Variants in RPUSD1 observed in about 807,000 individuals in gnomAD.
RPUSD1 encodes the protein RNA pseudouridine synthase domain containing 1, also known as pseudouridylate synthase RPUSD1.
RPUSD1 carries 28 observed loss-of-function variants against 22.4 expected under a neutral mutation model. The ratio of observed to expected loss-of-function variants is 1.25; its 90% CI spans 0.93 to 1.72. The LOEUF is 1.72. Ranked by LOEUF, RPUSD1 falls within the 40% of genes most tolerant of loss-of-function variation. The probability of loss-of-function intolerance (pLI) is 0.00; values close to 1 mark genes in which losing one functional copy is unlikely to be tolerated. For synonymous variants in RPUSD1, 298 were observed against 201.0 expected (o/e 1.48, Z -4.08); for missense variants, 596 against 442.2 (o/e 1.35, Z -3.12).
chr16:785,722 C>T lies in RPUSD1; in HGVS notation c.*228G>A, dbSNP rs1029650165. On this transcript the variant is annotated 3_prime_UTR_variant, in exon 6 of 6. Coordinates refer to ENST00000007264, the MANE Select transcript of RPUSD1 (RefSeq NM_058192.3). ...GTGGGCAGGAAGGCCCTCGGGATCC[C>T]GCATCAGTCCCACGGCCGCGGTGCG... 5.3e-5 allele frequency: 22 copies of T among 411,496 alleles called. No individual in the cohort carries two copies. The highest frequency in any genetic ancestry group is 1.1e-4 in the East Asian group (3 of 27,924). 25.5% of individuals were successfully genotyped at this position (411,496 alleles called of 1,614,324 possible). A position where few individuals can be genotyped will look rare whatever the true frequency, so the allele number is the denominator to read the frequency against.
rs1411644788 is a variant in RPUSD1, at chr16:786,350, C to T, written c.539G>A (p.Cys180Tyr). 1 of 1,611,252 alleles carries T rather than the reference C, an allele frequency of 6.2e-7. No individual in the cohort carries two copies. The highest frequency in any genetic ancestry group is 1.1e-5 in the South Asian group (1 of 91,032). Reference sequence around the variant, plus strand: ...CACCACGGGGTGGCCCAGGGCACTGCAGTGCACGCGCAGCTGGTGTGTCCG... The same window carrying T: ...CACCACGGGGTGGCCCAGGGCACTGTAGTGCACGCGCAGCTGGTGTGTCCG... The part of the protein sequence containing the change: ...TGRTHQLRVH[C>Y]SALGHPVVGD... Residue 180 changes from cysteine (C) to tyrosine (Y), a missense_variant, in exon 6 of 6, where the codon TGC (cysteine) becomes TAC (tyrosine). Cys to Tyr is a radical substitution (Grantham distance 194). Transcript: ENST00000007264.
Position 787,196 on chromosome 16 carries a change from A to G in RPUSD1, c.307-17T>C, listed in dbSNP as rs371392011. On this transcript the variant is annotated splice_polypyrimidine_tract_variant and intron_variant, in intron 3 of 5. Coordinates refer to ENST00000007264, the MANE Select transcript of RPUSD1 (RefSeq NM_058192.3). ...CCCCCGCAGCTGCAGGAGAGGGAGA[A>G]TCGCACGCAGTTCACGGGGCAGCCC... is the stretch of plus-strand genomic sequence containing the variant. The G allele has an allele frequency of 6.5e-5, 103 of 1,592,836 alleles. No homozygotes were observed. Among genetic ancestry groups the G allele is most frequent in the Admixed American group, 1.9e-4 (11 of 59,062 alleles).
At position 786,293 on chromosome 16, in the gene RPUSD1, C is replaced by G; in HGVS notation, c.596G>C (p.Arg199Pro). Residue 199 changes from arginine to proline, a missense_variant, in exon 6 of 6, where the codon CGG (arginine) becomes CCG (proline). Coordinates refer to ENST00000007264, the MANE Select transcript of RPUSD1 (RefSeq NM_058192.3). ...GDLTYGEVSG[R>P]EDRPFRMMLH... is the part of the protein sequence containing the mutation. ...CATCATTCTGAACGGCCGGTCCTCC[C>G]GGCCCGAGACTTCTCCGTAGGTCAG... 3 of 1,612,740 alleles carry G rather than the reference C, an allele frequency of 1.9e-6. No homozygotes were observed. Among genetic ancestry groups the G allele is most frequent in the Non-Finnish European group, 2.5e-6 (3 of 1,179,930 alleles).
chr16:787,650 C>T lies in RPUSD1; in HGVS notation c.88G>A (p.Asp30Asn), dbSNP rs776988536. 3 of 1,612,394 alleles carry T rather than the reference C, an allele frequency of 1.9e-6. No individual in the cohort carries two copies. The highest frequency in any genetic ancestry group is 1.1e-5 in the South Asian group (1 of 91,084). The change falls in exon 2 of 6, where the codon GAC becomes AAC. Residue 30 changes from aspartate to asparagine, a missense_variant. Transcript: ENST00000007264. Reference sequence around the variant, plus strand: ...AGAGTCTCCCGCCACGCCTTGCTGTCAATGCGAACGTCCCAGTGCTTGTTG... The same window carrying T: ...AGAGTCTCCCGCCACGCCTTGCTGTTAATGCGAACGTCCCAGTGCTTGTTG... Reference protein sequence around the residue: ...VVNKHWDVRIDSKAWRETLTL... With the variant: ...VVNKHWDVRINSKAWRETLTL...
intron 1 of RPUSD1, 33 bp downstream of exon 1, chr16:788,223 C>T (rs1460035660): frequency 5.1e-6 from 2 of 394,462 alleles, no homozygotes; most frequent in South Asian, 1.8e-5. Context: ...GGCTCCGAGC[C>T]CCTCCCGCGC....
Position 785,217 on chromosome 16 carries a change from G to A in RPUSD1, c.*733C>T, listed in dbSNP as rs983888641. ...AGGTTGGTGCTCACAGTGGATCTGA[G>A]GGATGGGCGTGCGTGGCAGGGCCTT... On this transcript the variant is annotated 3_prime_UTR_variant, in exon 6 of 6. Coordinates refer to ENST00000007264, the MANE Select transcript of RPUSD1 (RefSeq NM_058192.3). 6 of 152,456 alleles carry A rather than the reference G, an allele frequency of 3.9e-5. No individual in the cohort carries two copies. The highest frequency in any genetic ancestry group is 1.4e-4 in the African/African-American group (6 of 41,462). 9.4% of individuals were successfully genotyped at this position (152,456 alleles called of 1,614,324 possible). A position where few individuals can be genotyped will look rare whatever the true frequency, so the allele number is the denominator to read the frequency against.
At chr16:786,420 CGA>C (rs773285755) in intron 5 of RPUSD1, 43 bp from the exon 6 acceptor site, 2 of 1,558,954 alleles carry the variant, frequency 1.3e-6, no homozygotes, top group Non-Finnish European at 1.7e-6. Context: ...GGAGCGGGGC[CGA>C]TCCACACCTA....
At chr16:788,051 C>A in intron 1 of RPUSD1, 1 of 523,660 alleles carries the variant, frequency 1.9e-6, no homozygotes, top group South Asian at 1.9e-5. Flanking sequence ...AGGGGATGCA[C>A]GTGAATGCCT....
rs528900948 is a variant in RPUSD1, at chr16:785,931, T to C, written c.*19A>G. On this transcript the variant is annotated 3_prime_UTR_variant, in exon 6 of 6. Transcript: ENST00000007264. ...GTCCCGCTGTGCAGCTGACACCCCC[T>C]GCCCCAGCCCCACGGCTCTCAGCTG... 405 of 1,428,336 alleles carry C rather than the reference T, an allele frequency of 2.8e-4. No individual in the cohort carries two copies. The African/African-American group carries it at 5.3e-3, about 19-fold the overall frequency. The allele number at this position is 1,428,336 out of a possible 1,614,324, so 88.5% of individuals were successfully genotyped here.
At chr16:787,247 A>C (rs1032127089) in intron 3 of RPUSD1, 68 bp from the exon 4 acceptor site, 27 of 1,551,628 alleles carry the variant, frequency 1.7e-5, no homozygotes, top group Middle Eastern at 1.9e-4. Flanking sequence ...CCCACCTAAC[A>C]CCAAGCAACC....
At chr16:786,449 C>A (rs768789155) in intron 5 of RPUSD1, 72 bp from the exon 6 acceptor site, 1 of 1,479,144 alleles carries the variant, frequency 6.8e-7, no homozygotes, top group African/African-American at 1.4e-5. Flanking sequence ...TGACCAGGAC[C>A]CACCTCCCGT....
rs114295118 is a variant in RPUSD1, at chr16:785,448, G to C, written c.*502C>G. 0.023 allele frequency: 3,608 copies of C among 155,216 alleles called. 168 individuals carry two copies. The highest frequency in any genetic ancestry group is 0.079 in the African/African-American group (3,291 of 41,652). 9.6% of individuals were successfully genotyped at this position (155,216 alleles called of 1,614,324 possible). ...AGCAGTGAGGGGCAGAGGACGCAGG[G>C]ACCAGATGGGTCTCCCAGGCCAGGT... On this transcript the variant is annotated 3_prime_UTR_variant, in exon 6 of 6. Transcript: ENST00000007264.
chr16:787,887 C>G (rs1287338615), intron 1 of RPUSD1, 143 bp from the exon 2 acceptor site: 35 of 752,154 alleles, frequency 4.7e-5, no homozygotes, highest in Non-Finnish European at 7.2e-5. Context: ...CACCTGCATC[C>G]TCAGTCCCCG....
Position 785,969 on chromosome 16 carries a change from G to A in RPUSD1, c.920C>T (p.Thr307Met), listed in dbSNP as rs200620102. ...CGGCTCTCAGCTGTCCGGTTCCAGC[G>A]TCCACTCCGACAGCCACTGCAGGCA... ...GPCLQWLSEW[T>M]LEPDS is the part of the protein sequence containing the mutation. The change falls in exon 6 of 6, where the codon ACG (threonine) becomes ATG (methionine). Residue 307 changes from threonine to methionine, a missense_variant. Physicochemically the swap from Thr to Met is moderately conservative, Grantham distance 81. Coordinates refer to ENST00000007264, the MANE Select transcript of RPUSD1 (RefSeq NM_058192.3). The A allele has an allele frequency of 2.8e-4, 398 of 1,442,234 alleles. 3 individuals carry two copies. In the African/African-American group the frequency reaches 4.8e-3, roughly 17 times the overall value. 89.3% of individuals were successfully genotyped at this position (1,442,234 alleles called of 1,614,324 possible). A position where few individuals can be genotyped will look rare whatever the true frequency, so the allele number is the denominator to read the frequency against.
In RPUSD1 at chr16:785,912, C is replaced by T. The variant is rs1310217655; in HGVS notation, c.*38G>A. The T allele has an allele frequency of 1.4e-6, 2 of 1,413,918 alleles. No individual in the cohort carries two copies. Among genetic ancestry groups the T allele is most frequent in the African/African-American group, 2.9e-5 (2 of 69,256 alleles). The allele number at this position is 1,413,918 out of a possible 1,614,324, so 87.6% of individuals were successfully genotyped here. ...GCTCGCCCATCTCCCTAGAGTCCCG[C>T]TGTGCAGCTGACACCCCCTGCCCCA... On this transcript the variant is annotated 3_prime_UTR_variant, in exon 6 of 6. Coordinates refer to ENST00000007264, the MANE Select transcript of RPUSD1 (RefSeq NM_058192.3).
intron 3 of RPUSD1, 87 bp downstream of exon 3, chr16:787,267 G>A (rs976332977): frequency 4.0e-5 from 62 of 1,545,930 alleles, no homozygotes; most frequent in African/African-American, 2.7e-4. Context: ...CACGTAGAGC[G>A]TGGTGGGAGG....
rs1319084895 is a variant in RPUSD1, at chr16:787,465, C to T, written c.195G>A (p.Gln65=). ...DTCYGFRFCH[Q]LDFSTSGALC... Reference sequence around the variant, plus strand: ...GCGCCCCGCTGGTGGAGAAATCCAGCTGGTGGCAGAACCTGGAGTGGGACA... The same window carrying T: ...GCGCCCCGCTGGTGGAGAAATCCAGTTGGTGGCAGAACCTGGAGTGGGACA... The change falls in exon 3 of 6, where the codon CAG becomes CAA. Residue 65 remains glutamine, a synonymous_variant. Coordinates refer to ENST00000007264, the MANE Select transcript of RPUSD1 (RefSeq NM_058192.3). 6.3e-7 allele frequency: 1 copy of T among 1,586,328 alleles called. No individual in the cohort carries two copies. Among genetic ancestry groups the T allele is most frequent in the East Asian group, 2.3e-5 (1 of 42,932 alleles).
chr16:786,626 C>G (rs1392128408), intron 5 of RPUSD1: 10 of 733,658 alleles, frequency 1.4e-5, no homozygotes, highest in South Asian at 1.2e-4. Flanking sequence ...GCCAGCCAGA[C>G]CCCCAAGGAA....
Position 786,309 on chromosome 16 carries a change from C to T in RPUSD1, c.580G>A (p.Gly194Arg), listed in dbSNP as rs1413042686. Residue 194 changes from glycine to arginine, a missense_variant, in exon 6 of 6, where the codon GGA (glycine) becomes AGA (arginine). By Grantham distance (125) the Gly-to-Arg change is moderately radical. Transcript: ENST00000007264. ...GHPVVGDLTY[G>R]EVSGREDRPF... ...CGGTCCTCCCGGCCCGAGACTTCTCCGTAGGTCAGGTCGCCCACCACGGGG... is the reference window on the plus strand; with the variant it reads ...CGGTCCTCCCGGCCCGAGACTTCTCTGTAGGTCAGGTCGCCCACCACGGGG... The T allele has an allele frequency of 8.7e-6, 14 of 1,612,536 alleles. No individual in the cohort carries two copies. The highest frequency in any genetic ancestry group is 4.0e-5 in the African/African-American group (3 of 74,922).
Sources: gnomAD v4.1 joint callset for allele counts on GRCh38, gnomAD v4.1.1 for gene constraint, MANE v1.5 for transcripts, NCBI Gene and HGNC (gene_info 2026-07-23, HGNC 2026-07-21) for gene names.